OSBPL6: variants seen among roughly 807,000 people sequenced by gnomAD.
OSBPL6 encodes oxysterol binding protein like 6, also known as oxysterol-binding protein-related protein 6.
A neutral mutation model predicts 125.8 loss-of-function variants in OSBPL6; 49 were observed. That is an observed-to-expected ratio of 0.39 (90% CI 0.31 to 0.49). The LOEUF (loss-of-function observed/expected upper bound fraction) is 0.49, where lower values mean the gene tolerates loss of function less well. Among genes scored for constraint, OSBPL6 ranks in the 20% least tolerant of loss-of-function variants. The pLI, the probability that OSBPL6 is intolerant of heterozygous loss-of-function variation, is 0.88. For missense variants in OSBPL6, 986 were observed against 1,135.4 expected, an observed-to-expected ratio of 0.87 and a Z score of 1.89; for synonymous variants, 394 against 391.8, an observed-to-expected ratio of 1.01 and a Z score of -0.07.
chr2:178,383,472 G>A (rs1268294777), intron 17 of OSBPL6, among the ~76,000 whole-genome samples, 195 bp downstream of exon 17: 1 of 152,184 alleles, frequency 6.6e-6, no homozygotes, highest in East Asian at 1.9e-4. Flanking sequence ...CACACTTTTT[G>A]TGCCTTATCC....
Position 178,369,575 on chromosome 2 carries a change from C to G in OSBPL6, c.1288-2551C>G, listed in dbSNP as rs6715337. Among the ~76,000 whole-genome samples, 1,150 of 152,194 alleles carry G rather than the reference C, an allele frequency of 7.6e-3. 17 individuals carry two copies. Among genetic ancestry groups the G allele is most frequent in the African/African-American group, 0.027 (1,102 of 41,508 alleles). The stretch of plus-strand genomic sequence containing the variant: ...ATCAAGAGAACCTGATCTTCTGACT[C>G]CCAGGCTAGAATTTTTATTTTTCAC... On this transcript the variant is annotated intron_variant, in intron 13 of 24. Transcript: ENST00000190611.
At chr2:178,304,031 T>A (rs1251000451) in intron 2 of OSBPL6, among the ~76,000 whole-genome samples, 3 of 152,210 alleles carry the variant, frequency 2.0e-5, no homozygotes, top group Admixed American at 2.0e-4. Context: ...TACCCAAGAC[T>A]GGGTAAGTTA....
In OSBPL6 at chr2:178,311,316, A is replaced by T. The variant is rs73032529; in HGVS notation, c.102+5030A>T. On this transcript the variant is annotated intron_variant, in intron 3 of 24. Transcript: ENST00000190611. ...TGTCATACACTTGGCTCAGTCTCCA[A>T]ATATACCCTCCTTGGGCAGCCTTCT... 7.6e-3 allele frequency among the ~76,000 whole-genome samples: 1,150 copies of T among 152,054 alleles called. 14 individuals are homozygous for T. Among genetic ancestry groups the T allele is most frequent in the African/African-American group, 0.027 (1,102 of 41,464 alleles).
intron 5 of OSBPL6, among the ~76,000 whole-genome samples, chr2:178,328,960 G>A (rs1168197603): frequency 6.6e-6 from 1 of 152,106 alleles, no homozygotes; most frequent in Non-Finnish European, 1.5e-5. Flanking sequence ...GTATAGATAA[G>A]TTCTCATTAA....
In OSBPL6 at chr2:178,384,196, G is replaced by A. The variant is rs766206093; in HGVS notation, c.2013+20G>A. On this transcript the variant is annotated intron_variant, in intron 18 of 24. Transcript: ENST00000190611. ...GAACAGGTAAGCGCCACTGGACTCA[G>A]TGAGGTTTCTATATAGGTAAGAGGA... 1 of 1,609,354 alleles carries A rather than the reference G, an allele frequency of 6.2e-7. No individual in the cohort carries two copies.
intron 1 of OSBPL6, among the ~76,000 whole-genome samples, chr2:178,201,571 A>G (rs1251799173): frequency 6.6e-6 from 1 of 152,178 alleles, no homozygotes; most frequent in East Asian, 1.9e-4. Context: ...CTCAATATCT[A>G]AGACTTAACT....
chr2:178,277,498 T>A (rs1016240198), intron 1 of OSBPL6, among the ~76,000 whole-genome samples: 2 of 152,218 alleles, frequency 1.3e-5, no homozygotes, highest in African/African-American at 4.8e-5. Flanking sequence ...TATTGTCAAT[T>A]AGATCTAAGT....
chr2:178,353,706 A>C (rs1691503482), intron 12 of OSBPL6, among the ~76,000 whole-genome samples: 2 of 152,244 alleles, frequency 1.3e-5, no homozygotes, highest in South Asian at 4.1e-4. Flanking sequence ...CAACCTAGCA[A>C]GACAGGCCAA....
chr2:178,324,505 T>C (rs1688525761), intron 4 of OSBPL6, among the ~76,000 whole-genome samples: 1 of 152,214 alleles, frequency 6.6e-6, no homozygotes, highest in African/African-American at 2.4e-5. Flanking sequence ...TCCAAAATTC[T>C]GTTTAAGGGA....
intron 1 of OSBPL6, among the ~76,000 whole-genome samples, chr2:178,217,694 G>A (rs1458431883): frequency 2.0e-5 from 3 of 152,190 alleles, no homozygotes; most frequent in African/African-American, 4.8e-5. Flanking sequence ...GCATAGGGAA[G>A]GCTGGTTGCC....
At chr2:178,329,691 C>T (rs1179364208) in intron 5 of OSBPL6, among the ~76,000 whole-genome samples, 1 of 152,138 alleles carries the variant, frequency 6.6e-6, no homozygotes, top group Non-Finnish European at 1.5e-5. Flanking sequence ...TCCCAAAGTG[C>T]TGGGATTACA....
chr2:178,212,504 G>T (rs987769947), intron 1 of OSBPL6, among the ~76,000 whole-genome samples: 1 of 152,156 alleles, frequency 6.6e-6, no homozygotes, highest in African/African-American at 2.4e-5. Context: ...GCCTGAATTG[G>T]CTCTAATTAT....
chr2:178,360,369 G>A (rs188450413), intron 12 of OSBPL6, among the ~76,000 whole-genome samples: 3 of 152,216 alleles, frequency 2.0e-5, no homozygotes, highest in African/African-American at 7.2e-5. Flanking sequence ...TTGCCACAGC[G>A]CGGTGGGGGG....
intron 1 of OSBPL6, among the ~76,000 whole-genome samples, chr2:178,225,921 A>G (rs575929629): frequency 6.6e-6 from 1 of 152,338 alleles, no homozygotes; most frequent in East Asian, 1.9e-4. Flanking sequence ...GAGCCAAACC[A>G]TATCAGATGG....
intron 3 of OSBPL6, among the ~76,000 whole-genome samples, chr2:178,310,607 C>T (rs1687185276): frequency 6.6e-6 from 1 of 151,604 alleles, no homozygotes; most frequent in Admixed American, 6.6e-5. Context: ...TTAGTAGAGA[C>T]AGGGTTTCAC....
chr2:178,285,875 TG>T (rs1370193845), intron 2 of OSBPL6, among the ~76,000 whole-genome samples: 1 of 152,144 alleles, frequency 6.6e-6, no homozygotes, highest in Non-Finnish European at 1.5e-5. Flanking sequence ...GGGATGGTGG[TG>T]GTAGTGGTGA....
chr2:178,332,578 A>C, intron 6 of OSBPL6, 63 bp from the exon 7 acceptor site: 1 of 1,219,950 alleles, frequency 8.2e-7, no homozygotes, highest in Non-Finnish European at 1.2e-6. Flanking sequence ...GTTCACTTAA[A>C]TACAGTACAG....
chr2:178,357,899 C>G (rs991260197), intron 12 of OSBPL6, among the ~76,000 whole-genome samples: 2 of 152,110 alleles, frequency 1.3e-5, no homozygotes, highest in African/African-American at 4.8e-5. Flanking sequence ...GAATACTATG[C>G]AGCCATAAAA....
chr2:178,248,493 A>G (rs778622716), intron 1 of OSBPL6, among the ~76,000 whole-genome samples: 11 of 152,170 alleles, frequency 7.2e-5, no homozygotes, highest in Admixed American at 1.3e-4. Context: ...ACAAACATAT[A>G]ATCCAATTTG....
Sources: gnomAD v4.1 joint callset for allele counts (sites outside exome capture counted in the v4.1 genomes callset) on GRCh38, gnomAD v4.1.1 for gene constraint, MANE v1.5 for transcripts, NCBI Gene and HGNC (gene_info 2026-07-23, HGNC 2026-07-21) for gene names.